Variants in ASTN2 observed in about 807,000 individuals in gnomAD.
ASTN2 encodes astrotactin 2, also known as astrotactin-2.
In ASTN2, 54 loss-of-function variants were observed where a neutral mutation model predicts 139.8. That is an observed-to-expected ratio of 0.39 (90% CI 0.31 to 0.48). ASTN2 has a LOEUF of 0.48. ASTN2 is among the 20% of genes least tolerant of loss of function. The probability of loss-of-function intolerance (pLI) is 0.95; values close to 1 mark genes in which losing one functional copy is unlikely to be tolerated. For synonymous variants in ASTN2, 756 were observed against 719.5 expected (o/e 1.05, Z -0.81); for missense variants, 1,565 against 1,725.1 (o/e 0.91, Z 1.64).
intron 1 of ASTN2, among the ~76,000 whole-genome samples, chr9:117,376,016 A>C (rs181040843): frequency 1.3e-5 from 2 of 152,318 alleles, no homozygotes; most frequent in African/African-American, 4.8e-5. Context: ...CACAGTGATT[A>C]CATAGGGCCC....
chr9:116,647,797 G>A (rs959676983), intron 17 of ASTN2, among the ~76,000 whole-genome samples: 1 of 152,058 alleles, frequency 6.6e-6, no homozygotes, highest in African/African-American at 2.4e-5. Context: ...AACACTAGTC[G>A]AACCACTAGG....
chr9:116,854,744 C>T (rs1446607249), intron 11 of ASTN2, among the ~76,000 whole-genome samples: 6 of 151,742 alleles, frequency 4.0e-5, no homozygotes, highest in East Asian at 3.9e-4. Context: ...CTCCGCCTCC[C>T]GGGTTCACGC....
intron 1 of ASTN2, among the ~76,000 whole-genome samples, chr9:117,340,462 A>G (rs1829032794): frequency 6.6e-6 from 1 of 151,842 alleles, no homozygotes; most frequent in South Asian, 2.1e-4. Context: ...ACCCTGCTAA[A>G]TTTTTCTGCC....
chr9:117,388,721 C>T (rs1830467272), intron 1 of ASTN2, among the ~76,000 whole-genome samples: 1 of 152,260 alleles, frequency 6.6e-6, no homozygotes, highest in Non-Finnish European at 1.5e-5. Flanking sequence ...ACGGCCTGGG[C>T]TGGTGACTAT....
intron 2 of ASTN2, among the ~76,000 whole-genome samples, chr9:117,259,519 C>T (rs1415822319): frequency 1.3e-5 from 2 of 152,148 alleles, no homozygotes; most frequent in Non-Finnish European, 2.9e-5. Context: ...CGTATACAAT[C>T]TGTTTTCTCT....
chr9:117,268,410 A>G (rs547689632), intron 2 of ASTN2, among the ~76,000 whole-genome samples: 6 of 152,308 alleles, frequency 3.9e-5, no homozygotes, highest in Non-Finnish European at 4.4e-5. Flanking sequence ...TAAATTATTG[A>G]CTGAAGTTCA....
intron 11 of ASTN2, among the ~76,000 whole-genome samples, chr9:116,833,502 AATGT>A (rs944971516): frequency 1.1e-4 from 16 of 149,418 alleles, no homozygotes; most frequent in African/African-American, 3.7e-4. Flanking sequence ...CCTCTTTTCT[AATGT>A]ATGCATTTAG....
At chr9:116,449,236 T>A (rs1183806594) in intron 20 of ASTN2, among the ~76,000 whole-genome samples, 1 of 152,012 alleles carries the variant, frequency 6.6e-6, no homozygotes, top group Non-Finnish European at 1.5e-5. Flanking sequence ...TGAAACCCCA[T>A]CTCTACAAAA....
chr9:117,239,849 AGAAAG>A (rs1833154636), intron 2 of ASTN2, among the ~76,000 whole-genome samples: 1 of 152,210 alleles, frequency 6.6e-6, no homozygotes, highest in Non-Finnish European at 1.5e-5. Context: ...CTAAACATAA[AGAAAG>A]CATTTGCTGT....
At chr9:117,167,230 C>CT (rs2132915506) in intron 3 of ASTN2, among the ~76,000 whole-genome samples, 1 of 152,196 alleles carries the variant, frequency 6.6e-6, no homozygotes, top group South Asian at 2.1e-4. Context: ...ATCAGTTTAT[C>CT]TATCTATCTA....
At chr9:116,778,398 A>ATTTAT (rs5900231) in intron 13 of ASTN2, among the ~76,000 whole-genome samples, 137,721 of 151,606 alleles carry the variant, frequency 0.91, 63,028 homozygotes, top group East Asian at 1. Context: ...GGGGATTTTT[A>ATTTAT]TTTATTTTAT....
At chr9:117,239,020 T>C (rs79291794) in intron 2 of ASTN2, among the ~76,000 whole-genome samples, 6,220 of 152,330 alleles carry the variant, frequency 0.041, 429 homozygotes, top group African/African-American at 0.14. Context: ...TGCAGAACTT[T>C]AGATGCATTA....
Position 116,767,153 on chromosome 9 carries a change from T to TACACACAC in ASTN2, c.2397-33638_2397-33631dup, listed in dbSNP as rs34813123. On this transcript the variant is annotated intron_variant, in intron 13 of 22. Transcript: ENST00000313400. ...ATATAAGAACACACAATCCTACATA[T>TACACACAC]ACACACACACACACACACAGGTGTG... Among the ~76,000 whole-genome samples the TACACACAC allele has an allele frequency of 2.5e-3, 377 of 150,540 alleles. 1 individual carries two copies. Among genetic ancestry groups the TACACACAC allele is most frequent in the African/African-American group, 8.8e-3 (361 of 41,098 alleles).
intron 6 of ASTN2, among the ~76,000 whole-genome samples, chr9:117,023,972 C>T (rs1341614722): frequency 2.0e-5 from 3 of 151,924 alleles, no homozygotes; most frequent in African/African-American, 4.8e-5. Context: ...ACTGAGGGTG[C>T]GAGGTTGGGG....
chr9:117,357,697 G>C (rs16934553), intron 1 of ASTN2, among the ~76,000 whole-genome samples: 2,974 of 152,194 alleles, frequency 0.02, 95 homozygotes, highest in African/African-American at 0.066. Context: ...CTAGTCTTGA[G>C]TTAAGAATGT....
chr9:116,626,094 C>G (rs1392724474), intron 17 of ASTN2, among the ~76,000 whole-genome samples: 1 of 150,752 alleles, frequency 6.6e-6, no homozygotes, highest in Non-Finnish European at 1.5e-5. Context: ...ATTCTCCTGC[C>G]TCAGCCTCCT....
intron 3 of ASTN2, among the ~76,000 whole-genome samples, chr9:117,160,186 A>G (rs1830516337): frequency 6.6e-6 from 1 of 152,004 alleles, no homozygotes; most frequent in South Asian, 2.1e-4. Flanking sequence ...TATTTGCCGA[A>G]TGGTAATCCA....
intron 3 of ASTN2, among the ~76,000 whole-genome samples, chr9:117,211,717 C>A (rs995524704): frequency 1.3e-5 from 2 of 152,084 alleles, no homozygotes; most frequent in Admixed American, 6.5e-5. Flanking sequence ...TTCTAGGATG[C>A]AAAATCAACA....
intron 1 of ASTN2, among the ~76,000 whole-genome samples, chr9:117,303,730 C>T (rs570212726): frequency 1.3e-5 from 2 of 152,212 alleles, no homozygotes; most frequent in South Asian, 4.1e-4. Context: ...AAACAGTCAA[C>T]AGCTCTCCTC....
Sources: allele counts gnomAD v4.1 joint callset (sites outside exome capture counted in the v4.1 genomes callset), GRCh38; gene constraint gnomAD v4.1.1; transcripts MANE v1.5; gene names NCBI Gene and HGNC (gene_info 2026-07-23, HGNC 2026-07-21).